The following MAP3K5 variants were observed in gnomAD, a reference collection of about 807,000 sequenced individuals.
The protein encoded by MAP3K5 is ASK-1.
MAP3K5 carries 56 observed loss-of-function variants against 158.7 expected under a neutral mutation model. That is an observed-to-expected ratio of 0.35 (90% CI 0.28 to 0.44). The LOEUF (loss-of-function observed/expected upper bound fraction) is 0.44, where lower values mean the gene tolerates loss of function less well. MAP3K5 is among the 20% of genes least tolerant of loss of function. The probability of loss-of-function intolerance (pLI) is 1.00; values close to 1 mark genes in which losing one functional copy is unlikely to be tolerated. For missense variants in MAP3K5, 1,294 were observed against 1,674.8 expected (o/e 0.77, Z 3.97); for synonymous variants, 579 against 601.7 (o/e 0.96, Z 0.55).
chr6:136,715,708 G>T (rs1471380406), intron 2 of MAP3K5, among the ~76,000 whole-genome samples: 1 of 152,086 alleles, frequency 6.6e-6, no homozygotes, highest in Admixed American at 6.5e-5. Context: ...TAACTGATTT[G>T]TTTTAAGTGC....
intron 12 of MAP3K5, 34 bp from the exon 13 acceptor site, chr6:136,639,672 G>T (rs933986055): frequency 4.7e-6 from 5 of 1,055,514 alleles, no homozygotes; most frequent in South Asian, 2.8e-5. Context: ...ATTATTCAGA[G>T]AACTATCAAT....
intron 1 of MAP3K5, among the ~76,000 whole-genome samples, chr6:136,791,444 A>G (rs1332027310): frequency 6.6e-6 from 1 of 152,094 alleles, no homozygotes; most frequent in Non-Finnish European, 1.5e-5. Flanking sequence ...GAACAGTTCA[A>G]GTCGATCGCA....
At chr6:136,765,961 T>G (rs1209333296) in intron 1 of MAP3K5, among the ~76,000 whole-genome samples, 1 of 152,170 alleles carries the variant, frequency 6.6e-6, no homozygotes, top group Non-Finnish European at 1.5e-5. Flanking sequence ...AATTTTGTCA[T>G]AAAATATACA....
intron 18 of MAP3K5, among the ~76,000 whole-genome samples, chr6:136,607,685 C>T (rs1224405039): frequency 6.6e-6 from 1 of 152,082 alleles, no homozygotes; most frequent in Non-Finnish European, 1.5e-5. Flanking sequence ...GGAGGTGGTA[C>T]AGCTTAGTGG....
At chr6:136,726,376 T>C (rs1328173351) in intron 1 of MAP3K5, among the ~76,000 whole-genome samples, 1 of 152,224 alleles carries the variant, frequency 6.6e-6, no homozygotes, top group Non-Finnish European at 1.5e-5. Context: ...GTGGCTCACT[T>C]GAGGCCAGGA....
intron 1 of MAP3K5, among the ~76,000 whole-genome samples, chr6:136,721,244 C>T (rs1457942227): frequency 6.6e-6 from 1 of 150,408 alleles, no homozygotes; most frequent in Non-Finnish European, 1.5e-5. Flanking sequence ...AAAACAGATT[C>T]ATTAAAAAAT....
intron 21 of MAP3K5, among the ~76,000 whole-genome samples, chr6:136,599,896 C>T (rs907595961): frequency 5.3e-5 from 8 of 152,152 alleles, no homozygotes; most frequent in Non-Finnish European, 7.3e-5. Context: ...GGCTGCCTTC[C>T]GGAGCCCAGG....
rs80007286 is a variant in MAP3K5, at chr6:136,712,017, T to A, written c.589-6884A>T. On this transcript the variant is annotated intron_variant, in intron 2 of 29. Coordinates refer to ENST00000359015, the MANE Select transcript of MAP3K5 (RefSeq NM_005923.4). ...AAATTATATCAAAGCTGGAAAGTAATCCTAAAAGGAATTCTAGCCTCTCTT... is the reference window on the plus strand; with the variant it reads ...AAATTATATCAAAGCTGGAAAGTAAACCTAAAAGGAATTCTAGCCTCTCTT... Among the ~76,000 whole-genome samples, 7 of 152,200 alleles carry A rather than the reference T, an allele frequency of 4.6e-5. No homozygotes were observed. In the East Asian group the frequency reaches 1.4e-3, roughly 29 times the overall value.
intron 21 of MAP3K5, among the ~76,000 whole-genome samples, chr6:136,598,844 T>C (rs906233454): frequency 6.6e-6 from 1 of 152,120 alleles, no homozygotes; most frequent in African/African-American, 2.4e-5. Flanking sequence ...TCAATTGACA[T>C]GAGGCAGGCC....
chr6:136,629,460 C>T (rs1460625825), intron 14 of MAP3K5, among the ~76,000 whole-genome samples: 1 of 152,136 alleles, frequency 6.6e-6, no homozygotes. Context: ...ACTCACATCT[C>T]ACCTTTTTTT....
intron 9 of MAP3K5, among the ~76,000 whole-genome samples, chr6:136,658,375 C>T (rs993030981): frequency 2.3e-5 from 3 of 131,642 alleles, no homozygotes; most frequent in African/African-American, 8.8e-5. Context: ...AATGCAGTGG[C>T]GCAATCTTGG....
chr6:136,763,722 C>G (rs1582662818), intron 1 of MAP3K5, among the ~76,000 whole-genome samples: 1 of 152,042 alleles, frequency 6.6e-6, no homozygotes, highest in South Asian at 2.1e-4. Context: ...AACAGTTGTC[C>G]CCTCCAAGTG....
At chr6:136,637,034 G>A in intron 14 of MAP3K5, 1 of 1,186,134 alleles carries the variant, frequency 8.4e-7, no homozygotes, top group Non-Finnish European at 1.0e-6. Context: ...GGAGAATAGA[G>A]AATGTGTAAG....
At chr6:136,711,631 AC>A (rs1251553463) in intron 2 of MAP3K5, among the ~76,000 whole-genome samples, 1 of 151,612 alleles carries the variant, frequency 6.6e-6, no homozygotes, top group African/African-American at 2.4e-5. Flanking sequence ...GCACTACTGC[AC>A]CCCAGGCTGG....
intron 23 of MAP3K5, among the ~76,000 whole-genome samples, chr6:136,589,232 C>A (rs1775276523): frequency 1.3e-5 from 2 of 152,096 alleles, no homozygotes; most frequent in Admixed American, 1.3e-4. Context: ...CTCCTCTAGC[C>A]CCAACCTTTT....
intron 23 of MAP3K5, among the ~76,000 whole-genome samples, chr6:136,587,298 T>C (rs1775182326): frequency 6.6e-6 from 1 of 152,208 alleles, no homozygotes. Flanking sequence ...TTCTGATTGA[T>C]TGTAGAAAAA....
chr6:136,695,880 T>A, intron 6 of MAP3K5, 71 bp downstream of exon 6: 1 of 869,204 alleles, frequency 1.2e-6, no homozygotes, highest in Admixed American at 2.2e-5. Flanking sequence ...AGTGAACACA[T>A]TCTCTGTAAA....
chr6:136,768,597 C>T (rs1010455115), intron 1 of MAP3K5, among the ~76,000 whole-genome samples: 2 of 152,168 alleles, frequency 1.3e-5, no homozygotes, highest in African/African-American at 2.4e-5. Flanking sequence ...GTTGGTACGA[C>T]AAAATGGTAC....
At chr6:136,686,849 C>CA (rs1334938955) in intron 7 of MAP3K5, among the ~76,000 whole-genome samples, 1 of 151,944 alleles carries the variant, frequency 6.6e-6, no homozygotes, top group Non-Finnish European at 1.5e-5. Context: ...CCATACTGCC[C>CA]AAAGTAATTT....
Sources: allele counts gnomAD v4.1 joint callset (sites outside exome capture counted in the v4.1 genomes callset), GRCh38; gene constraint gnomAD v4.1.1; transcripts MANE v1.5; gene names NCBI Gene and HGNC (gene_info 2026-07-23, HGNC 2026-07-21).